NOS1AP: variants seen among roughly 807,000 people sequenced by gnomAD.
The protein encoded by NOS1AP is nitric oxide synthase 1 adaptor protein.
Under a neutral mutation model 56.2 loss-of-function variants are expected in NOS1AP, and 21 were observed. The ratio of observed to expected loss-of-function variants is 0.37; its 90% CI spans 0.26 to 0.54. NOS1AP has a LOEUF of 0.54. Ranked by LOEUF, NOS1AP falls within the 20% of genes least tolerant of loss-of-function variation. NOS1AP has a pLI of 0.84. For synonymous variants in NOS1AP, 270 were observed against 274.6 expected (o/e 0.98, Z 0.17); for missense variants, 522 against 657.8 (o/e 0.79, Z 2.26).
intron 1 of NOS1AP, among the ~76,000 whole-genome samples, chr1:162,113,879 T>C (rs1474005507): frequency 6.6e-6 from 1 of 152,014 alleles, no homozygotes; most frequent in Non-Finnish European, 1.5e-5. Context: ...AGCACTTGCC[T>C]CTAGTTGCTC....
chr1:162,360,780 A>G, intron 8 of NOS1AP: 1 of 456,264 alleles, frequency 2.2e-6, no homozygotes, highest in South Asian at 1.5e-5. Context: ...GCATGCTGAG[A>G]CAGCGGCGCC....
chr1:162,198,902 C>T (rs935248656), intron 2 of NOS1AP, among the ~76,000 whole-genome samples: 1 of 152,144 alleles, frequency 6.6e-6, no homozygotes, highest in Non-Finnish European at 1.5e-5. Context: ...CACCCAAGGA[C>T]TTGGGGCTTG....
intron 1 of NOS1AP, among the ~76,000 whole-genome samples, chr1:162,122,422 G>A (rs1571032483): frequency 6.6e-6 from 1 of 152,070 alleles, no homozygotes; most frequent in South Asian, 2.1e-4. Flanking sequence ...CATGTAGTAG[G>A]TCTTTGGGAG....
chr1:162,088,031 A>T (rs1285198954), intron 1 of NOS1AP, among the ~76,000 whole-genome samples: 1 of 152,176 alleles, frequency 6.6e-6, no homozygotes, highest in Non-Finnish European at 1.5e-5. Flanking sequence ...CAGCCAAAAG[A>T]GAAGTATTTT....
intron 2 of NOS1AP, among the ~76,000 whole-genome samples, chr1:162,158,278 A>G (rs1419602465): frequency 6.6e-6 from 1 of 152,202 alleles, no homozygotes; most frequent in Non-Finnish European, 1.5e-5. Context: ...TTCGCTTAGC[A>G]TAATGTCATC....
intron 2 of NOS1AP, among the ~76,000 whole-genome samples, chr1:162,186,842 G>A (rs370744398): frequency 3.9e-5 from 6 of 152,334 alleles, no homozygotes; most frequent in African/African-American, 9.6e-5. Flanking sequence ...ATAGCAACCC[G>A]AGCAGACTGA....
At chr1:162,152,574 G>C (rs910528515) in intron 1 of NOS1AP, among the ~76,000 whole-genome samples, 1 of 152,242 alleles carries the variant, frequency 6.6e-6, no homozygotes, top group African/African-American at 2.4e-5. Context: ...CACGCTATCA[G>C]ATCTAAGTGG....
At chr1:162,187,408 GATCCCATTTTTTGAC>G (rs1220903134) in intron 2 of NOS1AP, among the ~76,000 whole-genome samples, 3 of 152,098 alleles carry the variant, frequency 2.0e-5, no homozygotes, top group Non-Finnish European at 1.5e-5. Context: ...TATTTAACCA[GATCCCATTTTTTGAC>G]ATTTAGCTTG....
At chr1:162,302,384 C>G (rs1033266838) in intron 4 of NOS1AP, among the ~76,000 whole-genome samples, 2 of 152,186 alleles carry the variant, frequency 1.3e-5, no homozygotes, top group Non-Finnish European at 2.9e-5. Flanking sequence ...CAATTATCTT[C>G]TACTTGAGTG....
chr1:162,322,669 C>G (rs1286301002), intron 4 of NOS1AP, among the ~76,000 whole-genome samples: 2 of 152,118 alleles, frequency 1.3e-5, no homozygotes, highest in African/African-American at 4.8e-5. Flanking sequence ...ATAAAGAAAT[C>G]CAGCACCTCT....
At chr1:162,174,680 G>T (rs1650977867) in intron 2 of NOS1AP, among the ~76,000 whole-genome samples, 1 of 152,166 alleles carries the variant, frequency 6.6e-6, no homozygotes, top group Admixed American at 6.5e-5. Flanking sequence ...CCTATTATCA[G>T]CATCTAATGT....
intron 2 of NOS1AP, among the ~76,000 whole-genome samples, chr1:162,275,696 G>C (rs1187239693): frequency 6.6e-6 from 1 of 152,066 alleles, no homozygotes; most frequent in East Asian, 1.9e-4. Flanking sequence ...GTTTGTAGTG[G>C]GGGCTTCTTC....
At chr1:162,321,731 A>AAAAAATATATATATATAT (rs1480278757) in intron 4 of NOS1AP, among the ~76,000 whole-genome samples, 5 of 128,482 alleles carry the variant, frequency 3.9e-5, no homozygotes, top group African/African-American at 1.4e-4. Flanking sequence ...AAAAAAAAAA[A>AAAAAATATATATATATAT]ATATATATAT....
At chr1:162,300,796 A>T (rs1655625438) in intron 4 of NOS1AP, 90 bp downstream of exon 4, 2 of 1,063,966 alleles carry the variant, frequency 1.9e-6, no homozygotes, top group Non-Finnish European at 2.9e-6. Context: ...GGATCCAGGC[A>T]AATTTAAATA....
In NOS1AP at chr1:162,094,000, C is replaced by T. The variant is rs180695313; in HGVS notation, c.105+23718C>T. Among the ~76,000 whole-genome samples, 10 of 152,298 alleles carry T rather than the reference C, an allele frequency of 6.6e-5. No individual in the cohort carries two copies. The East Asian group carries it at 1.5e-3, about 23-fold the overall frequency. On this transcript the variant is annotated intron_variant, in intron 1 of 9. Coordinates refer to ENST00000361897, the MANE Select transcript of NOS1AP (RefSeq NM_014697.3). ...GGATTCTAATGTTCCTTCTGGCAGCCTAGTTGTTCTGTGACTTATTAAGAC... is the reference window on the plus strand; with the variant it reads ...GGATTCTAATGTTCCTTCTGGCAGCTTAGTTGTTCTGTGACTTATTAAGAC...
At chr1:162,151,690 A>G (rs1649712252) in intron 1 of NOS1AP, among the ~76,000 whole-genome samples, 1 of 151,946 alleles carries the variant, frequency 6.6e-6, no homozygotes, top group Non-Finnish European at 1.5e-5. Context: ...TGTAGTTTTT[A>G]TTGTAGAGAT....
chr1:162,292,472 C>T (rs1471801808), intron 3 of NOS1AP, among the ~76,000 whole-genome samples: 2 of 152,230 alleles, frequency 1.3e-5, no homozygotes, highest in South Asian at 2.1e-4. Context: ...CAAATCCTCA[C>T]AACTGTCCTA....
Position 162,308,637 on chromosome 1 carries a change from T to A in NOS1AP, c.344+7931T>A, listed in dbSNP as rs189751274. On this transcript the variant is annotated intron_variant, in intron 4 of 9. Transcript: ENST00000361897. ...GGGAAGCCCTTTCATTCTGCAGTGTTGCCCCTCCATTCTGCAGAGGAATCT... is the reference window on the plus strand; with the variant it reads ...GGGAAGCCCTTTCATTCTGCAGTGTAGCCCCTCCATTCTGCAGAGGAATCT... 4.6e-3 allele frequency among the ~76,000 whole-genome samples: 695 copies of A among 152,310 alleles called. 3 individuals are homozygous for A. Among genetic ancestry groups the A allele is most frequent in the Middle Eastern group, 0.014 (4 of 294 alleles).
At chr1:162,161,792 C>A (rs1650235486) in intron 2 of NOS1AP, among the ~76,000 whole-genome samples, 1 of 152,168 alleles carries the variant, frequency 6.6e-6, no homozygotes, top group South Asian at 2.1e-4. Flanking sequence ...GTTGCCCAGG[C>A]TAGTTATTCC....
Sources: allele counts gnomAD v4.1 joint callset (sites outside exome capture counted in the v4.1 genomes callset), GRCh38; gene constraint gnomAD v4.1.1; transcripts MANE v1.5; gene names NCBI Gene and HGNC (gene_info 2026-07-23, HGNC 2026-07-21).